Variants in USP32 observed in about 807,000 individuals in gnomAD.
USP32 encodes the protein ubiquitin carboxyl-terminal hydrolase 32.
USP32 carries 59 observed loss-of-function variants against 204.8 expected under a neutral mutation model. The observed-to-expected ratio is 0.29, with a 90% CI of 0.23 to 0.36. USP32 has a LOEUF of 0.36. Among genes scored for constraint, USP32 ranks in the 10% least tolerant of loss-of-function variants. The probability of loss-of-function intolerance (pLI) is 1.00; values close to 1 mark genes in which losing one functional copy is unlikely to be tolerated. For missense variants in USP32, 1,160 were observed against 1,946.4 expected (o/e 0.60, Z 7.60); for synonymous variants, 517 against 678.4 (o/e 0.76, Z 3.70).
chr17:60,392,261 G>C, upstream of USP32: 1 of 390,126 alleles, frequency 2.6e-6, no homozygotes, highest in Non-Finnish European at 4.7e-6. Flanking sequence ...TCCGCCGAGG[G>C]TCACGGGACC....
chr17:60,180,884 A>C (rs1389296295), intron 32 of USP32, among the ~76,000 whole-genome samples: 6 of 150,244 alleles, frequency 4.0e-5, no homozygotes, highest in Non-Finnish European at 7.4e-5. Flanking sequence ...TATTATTATT[A>C]TTATTATTAT....
intron 11 of USP32, among the ~76,000 whole-genome samples, chr17:60,248,039 T>C (rs144482967): frequency 2.6e-5 from 4 of 152,244 alleles, no homozygotes; most frequent in East Asian, 1.9e-4. Flanking sequence ...TCTGTTCTTA[T>C]GTCAGTGCCA....
chr17:60,374,747 T>C (rs568046624), intron 1 of USP32, among the ~76,000 whole-genome samples: 1 of 152,168 alleles, frequency 6.6e-6, no homozygotes, highest in South Asian at 2.1e-4. Context: ...AATGACTACA[T>C]AAAAAAAGCA....
At position 60,265,412 on chromosome 17, in the gene USP32, C is replaced by G. The variant is rs777891487; in HGVS notation, c.990G>C (p.Lys330Asn). Residue 330 changes from lysine (K) to asparagine (N), a missense_variant and splice_region_variant, in exon 9 of 34, where the codon AAG becomes AAC. By Grantham distance (94) the Lys-to-Asn change is moderately conservative. Around this residue, in one of 8 missense-constraint regions of USP32, gnomAD observed 536 missense variants for 680.9 expected, o/e 0.79. Transcript: ENST00000300896. Reference sequence around the variant, plus strand: ...ATAAATTAGTTCTATCTAGACTCACCTTTGTGGTGTCATGTGCATTCAGTA... The same window carrying G: ...ATAAATTAGTTCTATCTAGACTCACGTTTGTGGTGTCATGTGCATTCAGTA... ...EGILNAHDTTKMGHLTLEDYQ... is the reference protein window; with the variant it reads ...EGILNAHDTTNMGHLTLEDYQ... The G allele has an allele frequency of 1.9e-6, 3 of 1,596,904 alleles. No homozygotes were observed. The South Asian group carries it at 3.3e-5, about 18-fold the overall frequency.
At chr17:60,226,551 A>G (rs73990685) in intron 12 of USP32, among the ~76,000 whole-genome samples, 219 of 152,180 alleles carry the variant, frequency 1.4e-3, no homozygotes, top group African/African-American at 5.0e-3. Context: ...TTTCTTCCTT[A>G]TTTCCCATAG....
intron 1 of USP32, among the ~76,000 whole-genome samples, chr17:60,355,445 GA>G (rs2089046916): frequency 1.3e-5 from 2 of 152,100 alleles, no homozygotes; most frequent in African/African-American, 4.8e-5. Flanking sequence ...AAAGACCTCT[GA>G]AAATCCATTC....
chr17:60,391,105 G>T (rs1318238742), intron 1 of USP32, among the ~76,000 whole-genome samples: 1 of 152,214 alleles, frequency 6.6e-6, no homozygotes, highest in Non-Finnish European at 1.5e-5. Context: ...TCTCTAAAGG[G>T]AGATTTAACA....
chr17:60,184,176 G>A (rs547338636), intron 30 of USP32, among the ~76,000 whole-genome samples: 64 of 151,950 alleles, frequency 4.2e-4, no homozygotes, highest in African/African-American at 1.2e-3. Flanking sequence ...TTAGCCAGGC[G>A]TGGTGGTGGG....
chr17:60,418,044 T>C (rs2090076265), intron 1 of USP32, among the ~76,000 whole-genome samples: 1 of 151,430 alleles, frequency 6.6e-6, no homozygotes, highest in Admixed American at 6.6e-5. Flanking sequence ...CCACAACCTC[T>C]GCCTCCCAGG....
chr17:60,223,345 T>C (rs967741239), intron 14 of USP32, 66 bp downstream of exon 14: 2 of 1,439,874 alleles, frequency 1.4e-6, no homozygotes, highest in Non-Finnish European at 1.9e-6. Context: ...TGCTAAAACC[T>C]CTGAAATGAA....
chr17:60,240,034 C>T (rs1218096405), intron 11 of USP32, among the ~76,000 whole-genome samples: 1 of 152,208 alleles, frequency 6.6e-6, no homozygotes, highest in African/African-American at 2.4e-5. Flanking sequence ...CATGCCCAAG[C>T]CAATTCTCCT....
chr17:60,359,993 G>T (rs541013600), intron 1 of USP32, among the ~76,000 whole-genome samples: 1 of 150,902 alleles, frequency 6.6e-6, no homozygotes, highest in East Asian at 2.0e-4. Flanking sequence ...TCAGCCCCCC[G>T]AGTAGCTGGG....
intron 2 of USP32, among the ~76,000 whole-genome samples, chr17:60,332,218 A>T (rs2088404424): frequency 6.6e-6 from 1 of 152,030 alleles, no homozygotes; most frequent in Non-Finnish European, 1.5e-5. Flanking sequence ...AGATCACGCC[A>T]CTCCAGCCTG....
chr17:60,323,992 TA>T (rs1346226644), intron 2 of USP32, among the ~76,000 whole-genome samples: 3 of 152,176 alleles, frequency 2.0e-5, no homozygotes, highest in East Asian at 3.8e-4. Context: ...TTTAAAAGCA[TA>T]AACCAGGCCA....
At chr17:60,393,689 T>C (rs2089874662), upstream of USP32, among the ~76,000 whole-genome samples, 1 of 147,706 alleles carries the variant, frequency 6.8e-6, no homozygotes, top group African/African-American at 2.5e-5. Context: ...GTGTTTTTCT[T>C]TTTTTTTTTT....
chr17:60,307,609 A>G (rs2087756026), intron 2 of USP32, among the ~76,000 whole-genome samples: 1 of 152,158 alleles, frequency 6.6e-6, no homozygotes, highest in African/African-American at 2.4e-5. Context: ...CAAACTTACT[A>G]AAAACCTATA....
chr17:60,281,474 G>A (rs1433474412), intron 5 of USP32, among the ~76,000 whole-genome samples: 1 of 151,534 alleles, frequency 6.6e-6, no homozygotes, highest in East Asian at 1.9e-4. Context: ...GAGGATGGAG[G>A]TTGCAGTGAG....
At chr17:60,254,761 A>G (rs2086251928) in intron 10 of USP32, among the ~76,000 whole-genome samples, 2 of 152,136 alleles carry the variant, frequency 1.3e-5, no homozygotes, top group African/African-American at 2.4e-5. Flanking sequence ...CTACCTCCTT[A>G]TGATTCATCT....
At chr17:60,268,059 C>T (rs1191531708) in intron 7 of USP32, among the ~76,000 whole-genome samples, 2 of 152,124 alleles carry the variant, frequency 1.3e-5, no homozygotes, top group South Asian at 2.1e-4. Flanking sequence ...GATCCACCTG[C>T]CTCGGCCTCC....
Sources: allele counts gnomAD v4.1 joint callset (sites outside exome capture counted in the v4.1 genomes callset), GRCh38; gene constraint gnomAD v4.1.1; regional missense constraint gnomAD v4.1.1; transcripts MANE v1.5; gene names NCBI Gene and HGNC (gene_info 2026-07-23, HGNC 2026-07-21).